The following SEC14L5 variants were observed in gnomAD, a reference collection of about 807,000 sequenced individuals.
SEC14L5 encodes the protein SEC14-like protein 5.
Under a neutral mutation model 84.6 loss-of-function variants are expected in SEC14L5, and 96 were observed. The ratio of observed to expected loss-of-function variants is 1.13; its 90% confidence interval spans 0.96 to 1.34. SEC14L5 has a LOEUF of 1.34. Among genes scored for constraint, SEC14L5 ranks in the 40% most tolerant of loss-of-function variants. The pLI, the probability that SEC14L5 is intolerant of heterozygous loss-of-function variation, is 0.00. For missense variants in SEC14L5, 1,224 were observed against 942.5 expected (o/e 1.30, Z -3.91); for synonymous variants, 546 against 383.4 (o/e 1.42, Z -4.95).
At chr16:5,014,668 A>G (rs1316122831) in intron 15 of SEC14L5, among the ~76,000 whole-genome samples, 191 bp from the exon 16 acceptor site, 6 of 152,228 alleles carry the variant, frequency 3.9e-5, no homozygotes, top group African/African-American at 1.4e-4. Context: ...GCTGGGCTCC[A>G]TCTGGGGAGA....
chr16:4,997,393 C>A (rs967300080), intron 8 of SEC14L5, among the ~76,000 whole-genome samples: 1 of 152,250 alleles, frequency 6.6e-6, no homozygotes, highest in African/African-American at 2.4e-5. Context: ...AGCCACCGCA[C>A]CCGGCCCAAA....
chr16:5,007,700 G>C (rs1193386373), intron 13 of SEC14L5, among the ~76,000 whole-genome samples: 1 of 150,736 alleles, frequency 6.6e-6, no homozygotes. Flanking sequence ...CCACCTCCCA[G>C]GTTCAAGCAA....
chr16:5,011,016 A>C, intron 14 of SEC14L5, 79 bp from the exon 15 acceptor site: 1 of 1,384,672 alleles, frequency 7.2e-7, no homozygotes. Flanking sequence ...CCTGGTGATG[A>C]GAAGCCCATG....
intron 2 of SEC14L5, among the ~76,000 whole-genome samples, chr16:4,977,425 C>A (rs1159188721): frequency 9.5e-6 from 1 of 104,782 alleles, no homozygotes; most frequent in Non-Finnish European, 1.7e-5. Context: ...CCAGCCTAGG[C>A]GAAAGAGTGA....
chr16:4,975,349 T>C (rs944316685), intron 2 of SEC14L5, among the ~76,000 whole-genome samples: 1 of 151,376 alleles, frequency 6.6e-6, no homozygotes, highest in African/African-American at 2.4e-5. Flanking sequence ...GGTGGGCGCC[T>C]GTAGTCCCAG....
At chr16:4,992,424 C>G (rs2908683) in intron 6 of SEC14L5, among the ~76,000 whole-genome samples, 151,931 of 152,246 alleles carry the variant, frequency 1, 75,809 homozygotes, top group Middle Eastern at 1. Context: ...CCAATTTTTT[C>G]TATTTTTAGC....
At chr16:4,998,403 T>C (rs182572559) in intron 8 of SEC14L5, among the ~76,000 whole-genome samples, 1 of 152,066 alleles carries the variant, frequency 6.6e-6, no homozygotes, top group Non-Finnish European at 1.5e-5. Context: ...AAATTGCCAC[T>C]GAAGCCTGTG....
rs369229826 is a variant in SEC14L5, at chr16:5,011,122, G to A, written c.1828G>A (p.Val610Ile). 52 of 1,608,522 alleles carry A rather than the reference G, an allele frequency of 3.2e-5. No homozygotes were observed. The highest frequency in any genetic ancestry group is 2.4e-4 in the South Asian group (22 of 90,106). ...CTCCCATGTGACCCGGTGGCCCGGC[G>A]TCTACCTGCTCCAGTGGCAAATGCA... is the stretch of plus-strand genomic sequence containing the variant. ...QGSHVTRWPGVYLLQWQMHSP... is the reference protein window; with the variant it reads ...QGSHVTRWPGIYLLQWQMHSP... The change falls in exon 15 of 16, where the codon GTC becomes ATC. Residue 610 changes from valine (V) to isoleucine (I), a missense_variant. By Grantham distance (29) the Val-to-Ile change is conservative (BLOSUM62 3). Coordinates refer to ENST00000251170, the MANE Select transcript of SEC14L5 (RefSeq NM_014692.2).
chr16:5,009,262 C>T (rs1452073073), intron 14 of SEC14L5, among the ~76,000 whole-genome samples: 1 of 152,108 alleles, frequency 6.6e-6, no homozygotes, highest in Non-Finnish European at 1.5e-5. Context: ...TCTCCCTCCC[C>T]TCTCTCCTGT....
At chr16:4,993,049 ATTAT>A (rs3072578) in intron 6 of SEC14L5, among the ~76,000 whole-genome samples, 14,495 of 151,772 alleles carry the variant, frequency 0.096, 947 homozygotes, top group Middle Eastern at 0.16. Flanking sequence ...ATAAATATTA[ATTAT>A]TTATTTAGAG....
intron 14 of SEC14L5, among the ~76,000 whole-genome samples, chr16:5,009,401 A>G (rs1596645431): frequency 6.6e-6 from 1 of 152,102 alleles, no homozygotes; most frequent in Non-Finnish European, 1.5e-5. Context: ...ACAGCTCACT[A>G]CAGCCTCTAC....
intron 15 of SEC14L5, among the ~76,000 whole-genome samples, chr16:5,012,999 C>T (rs55673009): frequency 0.22 from 32,837 of 151,626 alleles, 4,284 homozygotes; most frequent in Admixed American, 0.33. Flanking sequence ...CCTCAGGAAA[C>T]TTACTATCAT....
intron 2 of SEC14L5, among the ~76,000 whole-genome samples, chr16:4,967,446 A>G (rs949080337): frequency 2.0e-5 from 3 of 151,544 alleles, no homozygotes; most frequent in Admixed American, 6.6e-5. Flanking sequence ...GGACTTCAAC[A>G]TATCTATTTT....
chr16:4,973,977 C>G (rs1047254613), intron 2 of SEC14L5, among the ~76,000 whole-genome samples: 1 of 152,006 alleles, frequency 6.6e-6, no homozygotes, highest in East Asian at 1.9e-4. Context: ...AGCCACCTCA[C>G]CAGGCCTTAT....
At chr16:5,002,805 G>C (rs975170615) in intron 10 of SEC14L5, among the ~76,000 whole-genome samples, 3 of 152,214 alleles carry the variant, frequency 2.0e-5, no homozygotes, top group Non-Finnish European at 4.4e-5. Flanking sequence ...GCAGAACTGG[G>C]ATTTGAACCT....
chr16:4,990,233 G>T lies in SEC14L5; in HGVS notation c.346-534G>T, dbSNP rs571234277. On this transcript the variant is annotated intron_variant, in intron 4 of 15. Transcript: ENST00000251170. ...GCTGGAGTGCAGTGGCATGATCTTG[G>T]CTCACTGCAACCTCCGCCTCCCAGG... Among the ~76,000 whole-genome samples, 391 of 151,944 alleles carry T rather than the reference G, an allele frequency of 2.6e-3. 4 individuals are homozygous for T. The highest frequency in any genetic ancestry group is 9.0e-3 in the African/African-American group (375 of 41,466).
chr16:4,988,834 G>A (rs763377303), intron 4 of SEC14L5, among the ~76,000 whole-genome samples: 1 of 152,258 alleles, frequency 6.6e-6, no homozygotes, highest in Non-Finnish European at 1.5e-5. Flanking sequence ...CCTGCCAAGT[G>A]ATGAGCACCC....
rs1051248226 is a variant in SEC14L5 at position 5,018,601 on chromosome 16, A to T, written c.*3631A>T. The T allele has an allele frequency of 2.0e-5, 3 of 152,156 alleles. No homozygotes were observed. The highest frequency in any genetic ancestry group is 6.6e-5 in the Admixed American group (1 of 15,260). 9.4% of individuals were successfully genotyped at this position (152,156 alleles called of 1,614,324 possible). ...AGGATTGCTTGGAGGTCAAGGCTGG[A>T]GTGAGCCATGATCTCACCCCTGTAC... On this transcript the variant is annotated 3_prime_UTR_variant, in exon 16 of 16. Transcript: ENST00000251170.
intron 14 of SEC14L5, among the ~76,000 whole-genome samples, chr16:5,010,076 C>T (rs1955781051): frequency 6.6e-6 from 1 of 150,906 alleles, no homozygotes; most frequent in African/African-American, 2.4e-5. Flanking sequence ...GGTGCGGTGG[C>T]TCATGCCTAT....
Sources: gnomAD v4.1 joint callset for allele counts (sites outside exome capture counted in the v4.1 genomes callset) on GRCh38, gnomAD v4.1.1 for gene constraint, MANE v1.5 for transcripts, NCBI Gene and HGNC (gene_info 2026-07-23, HGNC 2026-07-21) for gene names.